The following MYH15 variants were observed in gnomAD, a reference collection of about 807,000 sequenced individuals.
MYH15 encodes the protein myosin-15.
MYH15 carries 227 observed loss-of-function variants against 240.5 expected under a neutral mutation model. The observed-to-expected ratio is 0.94, with a 90% CI of 0.85 to 1.05. The LOEUF is 1.05. Ranked by LOEUF, MYH15 falls within the 50% of genes least tolerant of loss-of-function variation. MYH15 has a pLI of 0.00. For missense variants in MYH15, 2,217 were observed against 2,247.5 expected (o/e 0.99, Z 0.27); for synonymous variants, 785 against 796.7 (o/e 0.99, Z 0.25).
chr3:108,383,568 T>A (rs2082358934), intron 40 of MYH15, 27 bp downstream of exon 40: 1 of 1,609,362 alleles, frequency 6.2e-7, no homozygotes, highest in East Asian at 2.2e-5. Flanking sequence ...ATTAAAGAGT[T>A]AGAACAGAGT....
chr3:108,423,372 C>T (rs775704468), intron 27 of MYH15, among the ~76,000 whole-genome samples: 1 of 152,200 alleles, frequency 6.6e-6, no homozygotes, highest in East Asian at 1.9e-4. Flanking sequence ...AGATGTCCTA[C>T]AGCACACCCA....
intron 21 of MYH15, among the ~76,000 whole-genome samples, chr3:108,448,204 A>AT (rs1487569097): frequency 6.6e-6 from 1 of 152,062 alleles, no homozygotes; most frequent in Non-Finnish European, 1.5e-5. Flanking sequence ...GAAAGAAACA[A>AT]TTTTTTTAAA....
Position 108,525,378 on chromosome 3 carries a change from T to C in MYH15, c.-58+3885A>G, listed in dbSNP as rs530493561. ...CAACACAATCACTCTCCAGTAATAA[T>C]CTTCTGTAGCTACATGGGTACAGAT... On this transcript the variant is annotated intron_variant, in intron 1 of 41. Transcript: ENST00000273353. Among the ~76,000 whole-genome samples the C allele has an allele frequency of 1.1e-4, 16 of 152,236 alleles. 1 individual carries two copies. The highest frequency in any genetic ancestry group is 6.5e-4 in the Admixed American group (10 of 15,280).
chr3:108,470,536 A>AGG (rs750264248), intron 13 of MYH15, among the ~76,000 whole-genome samples, 162 bp downstream of exon 13: 13 of 152,164 alleles, frequency 8.5e-5, no homozygotes, highest in Admixed American at 5.9e-4. Context: ...GTATAACAAT[A>AGG]ATTATTATTG....
intron 11 of MYH15, among the ~76,000 whole-genome samples, chr3:108,476,862 T>C (rs2083225949): frequency 6.6e-6 from 1 of 152,116 alleles, no homozygotes; most frequent in South Asian, 2.1e-4. Context: ...CCCTCATGCA[T>C]TGTGGGTGGG....
At chr3:108,523,162 C>T (rs193180310) in intron 1 of MYH15, among the ~76,000 whole-genome samples, 1 of 152,122 alleles carries the variant, frequency 6.6e-6, no homozygotes, top group Admixed American at 6.6e-5. Flanking sequence ...ACAGTATTTA[C>T]AGTATATTTA....
In MYH15 at chr3:108,421,076, ATACT is replaced by A. The variant is rs2082678632; in HGVS notation, c.3829+8_3829+11del. Reference sequence around the variant, plus strand: ...GAGAATTGCCTATGAGTCAAGCAGCATACTTACTTACCACTCTCACTCCACAGCT... The same window carrying A: ...GAGAATTGCCTATGAGTCAAGCAGCATACTTACCACTCTCACTCCACAGCT... On this transcript the variant is annotated splice_region_variant and intron_variant, in intron 28 of 40. Coordinates refer to ENST00000693548, the MANE Select transcript of MYH15 (RefSeq NM_014981.3). The A allele has an allele frequency of 1.2e-6, 2 of 1,613,872 alleles. No individual in the cohort carries two copies. The highest frequency in any genetic ancestry group is 2.2e-5 in the South Asian group (2 of 91,064).
chr3:108,536,006 G>A, the MYH15 span, among the ~76,000 whole-genome samples: 1 of 152,166 alleles, frequency 6.6e-6, no homozygotes, highest in Admixed American at 6.5e-5. Flanking sequence ...GGTGGCTCAT[G>A]TCTGTAATCC....
chr3:108,484,603 C>A (rs2083291543), intron 11 of MYH15, among the ~76,000 whole-genome samples: 1 of 152,114 alleles, frequency 6.6e-6, no homozygotes, highest in Non-Finnish European at 1.5e-5. Flanking sequence ...CTCAGCCTCC[C>A]AAGTAGCTGG....
intron 12 of MYH15, among the ~76,000 whole-genome samples, chr3:108,474,386 T>C (rs1340908321): frequency 6.6e-6 from 1 of 151,842 alleles, no homozygotes; most frequent in Non-Finnish European, 1.5e-5. Flanking sequence ...TAATATTGTG[T>C]CTTTAATTCC....
intron 40 of MYH15, among the ~76,000 whole-genome samples, chr3:108,382,710 A>G (rs970106809): frequency 6.6e-6 from 1 of 152,052 alleles, no homozygotes. Flanking sequence ...TCTGCTTTAT[A>G]TTCCTGATTC....
At chr3:108,417,183 T>G (rs1324386715) in intron 28 of MYH15, among the ~76,000 whole-genome samples, 1 of 152,212 alleles carries the variant, frequency 6.6e-6, no homozygotes, top group Non-Finnish European at 1.5e-5. Context: ...TTAGTTACCA[T>G]TTATTGAGAA....
intron 2 of MYH15, among the ~76,000 whole-genome samples, chr3:108,502,399 A>G (rs927287531): frequency 3.9e-5 from 6 of 152,122 alleles, no homozygotes; most frequent in African/African-American, 1.4e-4. Flanking sequence ...TATTTTAATA[A>G]TTGACTATGT....
upstream of MYH15, among the ~76,000 whole-genome samples, chr3:108,533,354 C>A (rs2083724845): frequency 6.6e-6 from 1 of 152,032 alleles, no homozygotes; most frequent in Non-Finnish European, 1.5e-5. Flanking sequence ...CAATTATTTA[C>A]TAGCTCTAGG....
chr3:108,501,882 A>C, intron 2 of MYH15, 27 bp from the exon 3 acceptor site: 1 of 1,608,358 alleles, frequency 6.2e-7, no homozygotes, highest in African/African-American at 1.3e-5. Flanking sequence ...AATATATGAT[A>C]TATTCCCCTG....
chr3:108,494,346 A>C (rs913730957), intron 7 of MYH15, among the ~76,000 whole-genome samples: 2 of 151,970 alleles, frequency 1.3e-5, no homozygotes, highest in East Asian at 1.9e-4. Context: ...ATTAATTGAA[A>C]ATTTTAACCC....
At chr3:108,451,989 CAA>C (rs5851594) in intron 21 of MYH15, among the ~76,000 whole-genome samples, 1 of 139,258 alleles carries the variant, frequency 7.2e-6, no homozygotes, top group Non-Finnish European at 1.5e-5. Context: ...GTCATTTCTA[CAA>C]AAAAAAAAAA....
chr3:108,392,651 A>G (rs936741288), intron 36 of MYH15, among the ~76,000 whole-genome samples: 2 of 152,238 alleles, frequency 1.3e-5, no homozygotes, highest in Non-Finnish European at 2.9e-5. Context: ...GTGAGGGCAA[A>G]GAATGAATTA....
At chr3:108,529,326 T>C (rs1487332436), upstream of MYH15, 2 of 1,427,650 alleles carry the variant, frequency 1.4e-6, no homozygotes, top group Non-Finnish European at 2.0e-6. Flanking sequence ...AGAAATGACC[T>C]AAATTGAGGA....
Sources: gnomAD v4.1 joint callset for allele counts (sites outside exome capture counted in the v4.1 genomes callset) on GRCh38, gnomAD v4.1.1 for gene constraint, MANE v1.5 for transcripts, NCBI Gene and HGNC (gene_info 2026-07-23, HGNC 2026-07-21) for gene names.